Variants in MYO1A observed in about 807,000 individuals in gnomAD.
The protein encoded by MYO1A is myosin IA, also known as unconventional myosin-Ia.
A neutral mutation model predicts 138.5 loss-of-function variants in MYO1A; 127 were observed. That is an observed-to-expected ratio of 0.92 (90% CI 0.79 to 1.06). The LOEUF is 1.06. Ranked by LOEUF, MYO1A falls within the 50% of genes least tolerant of loss-of-function variation. MYO1A has a pLI of 0.00. For synonymous variants in MYO1A, 477 were observed against 497.5 expected (o/e 0.96, Z 0.55); for missense variants, 1,211 against 1,288.8 (o/e 0.94, Z 0.92).
intron 24 of MYO1A, 86 bp downstream of exon 24, chr12:57,030,124 A>G (rs1426897851): frequency 1.5e-6 from 2 of 1,346,044 alleles, no homozygotes; most frequent in African/African-American, 2.9e-5. Flanking sequence ...GGGGGTGACA[A>G]TCCTGCCAGG....
At chr12:57,037,202 C>T in intron 19 of MYO1A, 111 bp from the exon 20 acceptor site, 1 of 1,324,950 alleles carries the variant, frequency 7.5e-7, no homozygotes, top group Non-Finnish European at 1.1e-6. Context: ...TTTGATCATT[C>T]CTTTGTCTTC....
At position 57,043,353 on chromosome 12, in the gene MYO1A, G is replaced by GA. The variant is rs1565646418; in HGVS notation, c.897dup (p.Arg300SerfsTer48). ...AAGCCCACCATCTCCCCAATCTCCC[G>GA]AACACCTGGGATAATGAGAAAGTAC... is the stretch of plus-strand genomic sequence containing the variant. On this transcript the variant is annotated frameshift_variant, in exon 11 of 28. Transcript: ENST00000300119. LOFTEE classifies it high-confidence loss of function. 6.2e-7 allele frequency: 1 copy of GA among 1,613,550 alleles called. No individual in the cohort carries two copies. Among genetic ancestry groups the GA allele is most frequent in the Non-Finnish European group, 8.5e-7 (1 of 1,179,586 alleles).
intron 10 of MYO1A, 93 bp from the exon 11 acceptor site, chr12:57,043,451 G>C: frequency 8.5e-7 from 1 of 1,173,610 alleles, no homozygotes. Flanking sequence ...CTGAGACACT[G>C]GTGTCCTGGG....
chr12:57,035,314 C>A (rs1356999268), intron 22 of MYO1A, among the ~76,000 whole-genome samples: 1 of 152,118 alleles, frequency 6.6e-6, no homozygotes, highest in African/African-American at 2.4e-5. Flanking sequence ...GGTGATCAGG[C>A]AACTGAAGAG....
At chr12:57,035,040 G>A (rs756790247) in intron 22 of MYO1A, among the ~76,000 whole-genome samples, 24 of 152,148 alleles carry the variant, frequency 1.6e-4, no homozygotes, top group Non-Finnish European at 1.5e-4. Flanking sequence ...AGTCAAGGCA[G>A]TGGCAAACTG....
chr12:57,037,036 A>G lies in MYO1A; in HGVS notation c.2111T>C (p.Ile704Thr). Residue 704 changes from isoleucine (I) to threonine (T), a missense_variant, in exon 20 of 28, where the codon ATA (isoleucine) becomes ACA (threonine). Coordinates refer to ENST00000300119, the MANE Select transcript of MYO1A (RefSeq NM_005379.4). The part of the protein sequence containing the change: ...RLRLQQLATL[I>T]QKIYRGWRCR... ...GCGCCAGCCTCGGTAAATCTTCTGTATGAGTGTGGCCAGCTGCTGGAGTCT... is the reference window on the plus strand; with the variant it reads ...GCGCCAGCCTCGGTAAATCTTCTGTGTGAGTGTGGCCAGCTGCTGGAGTCT... The G allele has an allele frequency of 1.2e-6, 2 of 1,614,098 alleles. No homozygotes were observed. Among genetic ancestry groups the G allele is most frequent in the African/African-American group, 2.7e-5 (2 of 75,004 alleles).
chr12:57,030,620 A>G (rs1365670292), intron 23 of MYO1A, among the ~76,000 whole-genome samples: 1 of 152,216 alleles, frequency 6.6e-6, no homozygotes. Context: ...TGAATAAAAG[A>G]ACAAATTACT....
chr12:57,037,420 AG>A, intron 19 of MYO1A, 127 bp downstream of exon 19: 1 of 916,400 alleles, frequency 1.1e-6, no homozygotes, highest in Non-Finnish European at 1.8e-6. Context: ...TCCTGCAGAC[AG>A]GAAGCTTCCC....
At position 57,038,864 on chromosome 12, in the gene MYO1A, T is replaced by G. The variant is rs1289890839; in HGVS notation, c.1478A>C (p.Gln493Pro). ...ESKVTQNAQR[Q>P]YDHTMGLSCF... Reference sequence around the variant, plus strand: ...GCTGAGGCCCATGGTGTGGTCATACTGACGCTGGGCATTCTGGGTGACTTT... The same window carrying G: ...GCTGAGGCCCATGGTGTGGTCATACGGACGCTGGGCATTCTGGGTGACTTT... Residue 493 changes from glutamine to proline, a missense_variant, in exon 16 of 28, where the codon CAG becomes CCG. Coordinates refer to ENST00000300119, the MANE Select transcript of MYO1A (RefSeq NM_005379.4). The G allele has an allele frequency of 1.2e-6, 2 of 1,614,076 alleles. No homozygotes were observed. The highest frequency in any genetic ancestry group is 3.3e-5 in the Admixed American group (2 of 59,992).
chr12:57,045,917 T>C (rs1467949325), intron 8 of MYO1A, among the ~76,000 whole-genome samples: 1 of 152,222 alleles, frequency 6.6e-6, no homozygotes, highest in Non-Finnish European at 1.5e-5. Context: ...ATGGATCTGC[T>C]CACACACCTC....
intron 24 of MYO1A, 104 bp from the exon 25 acceptor site, chr12:57,029,976 G>T: frequency 6.4e-7 from 1 of 1,550,814 alleles, no homozygotes; most frequent in Non-Finnish European, 8.9e-7. Flanking sequence ...CCACATCCAC[G>T]TATCCTCTGT....
At chr12:57,047,954 G>A in intron 3 of MYO1A, 35 bp downstream of exon 3, 1 of 1,595,598 alleles carries the variant, frequency 6.3e-7, no homozygotes, top group African/African-American at 1.3e-5. Flanking sequence ...AAGAAGCTGG[G>A]GCCCTGTCAG....
chr12:57,037,442 C>A, intron 19 of MYO1A, 106 bp downstream of exon 19: 2 of 1,016,892 alleles, frequency 2.0e-6, no homozygotes, highest in East Asian at 4.7e-5. Context: ...ATCCACTGGA[C>A]AGTGATCCAT....
chr12:57,035,902 C>T (rs2030516239), intron 22 of MYO1A, among the ~76,000 whole-genome samples: 1 of 152,216 alleles, frequency 6.6e-6, no homozygotes, highest in Non-Finnish European at 1.5e-5. Flanking sequence ...CCTACTCTCA[C>T]CCCAACCCTA....
At chr12:57,043,738 T>A in intron 10 of MYO1A, 118 bp downstream of exon 10, 1 of 1,331,208 alleles carries the variant, frequency 7.5e-7, no homozygotes, top group Non-Finnish European at 1.1e-6. Flanking sequence ...AACTCAGGAG[T>A]GGGCTGAGTG....
rs1458236822 is a variant in MYO1A, at chr12:57,036,798, T to C, written c.2248A>G (p.Ile750Val). 1.9e-6 allele frequency: 3 copies of C among 1,614,102 alleles called. No homozygotes were observed. The highest frequency in any genetic ancestry group is 4.5e-5 in the East Asian group (2 of 44,898). Reference sequence around the variant, plus strand: ...TTCCACCCTCTCACAAAAGCCTGGATCAATAACACGGATGCCTTTATCTTC... The same window carrying C: ...TTCCACCCTCTCACAAAAGCCTGGACCAATAACACGGATGCCTTTATCTTC... ...YGKIKASVLL[I>V]QAFVRGWKAR... The change falls in exon 21 of 28, where the codon ATC becomes GTC. Residue 750 changes from isoleucine to valine, a missense_variant. By Grantham distance (29) the Ile-to-Val change is conservative. Coordinates refer to ENST00000300119, the MANE Select transcript of MYO1A (RefSeq NM_005379.4).
intron 8 of MYO1A, 66 bp downstream of exon 8, chr12:57,046,486 T>A: frequency 8.0e-7 from 1 of 1,247,434 alleles, no homozygotes. Context: ...GTTCTGGGAC[T>A]GAATGGAGGT....
In MYO1A at chr12:57,037,930, AG is replaced by A. The variant is rs745341799; in HGVS notation, c.1899del (p.Phe634SerfsTer8). The A allele has an allele frequency of 3.1e-6, 5 of 1,614,170 alleles. No homozygotes were observed. The South Asian group carries it at 5.5e-5, about 18-fold the overall frequency. On this transcript the variant is annotated frameshift_variant, in exon 18 of 28. Transcript: ENST00000300119. LOFTEE classifies it high-confidence loss of function. ...AGYAHRQGYG[P>X]FLERYRLLSR... ...CTCAGCAATCGGTACCTTTCCAGGA[AG>A]GGCCCATAACCCTGGCGGTGGGCAT...
chr12:57,032,965 T>G (rs1264356922), intron 22 of MYO1A, among the ~76,000 whole-genome samples: 1 of 152,192 alleles, frequency 6.6e-6, no homozygotes, highest in Non-Finnish European at 1.5e-5. Flanking sequence ...CTGATAATGT[T>G]AACACCTTGC....
Sources: gnomAD v4.1 joint callset for allele counts (sites outside exome capture counted in the v4.1 genomes callset) on GRCh38, gnomAD v4.1.1 for gene constraint, MANE v1.5 for transcripts, NCBI Gene and HGNC (gene_info 2026-07-23, HGNC 2026-07-21) for gene names.